Variants in DPP10 observed in about 807,000 individuals in gnomAD.
The protein encoded by DPP10 is dipeptidyl peptidase like 10, also known as inactive dipeptidyl peptidase 10.
Under a neutral mutation model 120.9 loss-of-function variants are expected in DPP10, and 33 were observed. The observed-to-expected ratio is 0.27, with a 90% confidence interval of 0.21 to 0.37. The LOEUF (loss-of-function observed/expected upper bound fraction) is 0.37, where lower values mean the gene tolerates loss of function less well. Among genes scored for constraint, DPP10 ranks in the 10% least tolerant of loss-of-function variants. DPP10 has a pLI of 1.00. For synonymous variants in DPP10, 337 were observed against 326.1 expected (o/e 1.03, Z -0.36); for missense variants, 816 against 942.8 (o/e 0.87, Z 1.76).
intron 1 of DPP10, among the ~76,000 whole-genome samples, chr2:114,838,555 C>G (rs1687916360): frequency 6.6e-6 from 1 of 152,054 alleles, no homozygotes; most frequent in South Asian, 2.1e-4. Flanking sequence ...CCTCGGTCTC[C>G]CAAAGTACTG....
intron 1 of DPP10, among the ~76,000 whole-genome samples, chr2:114,573,333 A>G (rs557282667): frequency 6.6e-6 from 1 of 152,328 alleles, no homozygotes; most frequent in African/African-American, 2.4e-5. Flanking sequence ...TAAATAAATG[A>G]AAGATCTTCA....
At chr2:115,513,232 AC>A (rs149225297) in intron 4 of DPP10, among the ~76,000 whole-genome samples, 4,681 of 151,894 alleles carry the variant, frequency 0.031, 101 homozygotes, top group Non-Finnish European at 0.048. Flanking sequence ...TTCATGGTAT[AC>A]CTTTTTCACC....
intron 1 of DPP10, among the ~76,000 whole-genome samples, chr2:115,096,999 G>A (rs1247311761): frequency 1.3e-5 from 2 of 152,096 alleles, no homozygotes; most frequent in East Asian, 3.9e-4. Flanking sequence ...GTAATAAAAG[G>A]TTTTGCTTGA....
chr2:115,139,770 G>A (rs980426224), intron 1 of DPP10, among the ~76,000 whole-genome samples: 6 of 121,928 alleles, frequency 4.9e-5, no homozygotes, highest in African/African-American at 1.8e-4. Context: ...ATACTACTTT[G>A]TTATAAAATA....
intron 1 of DPP10, among the ~76,000 whole-genome samples, chr2:115,097,798 T>A (rs1295109640): frequency 6.6e-6 from 1 of 152,154 alleles, no homozygotes; most frequent in East Asian, 1.9e-4. Context: ...GAATAGTCCT[T>A]GTTATGTCTG....
chr2:115,021,550 C>A (rs757134325), intron 1 of DPP10, among the ~76,000 whole-genome samples: 1 of 151,942 alleles, frequency 6.6e-6, no homozygotes. Context: ...CTGTATGTGA[C>A]CAGATGGATT....
chr2:114,821,245 G>A (rs1686061517), intron 1 of DPP10, among the ~76,000 whole-genome samples: 1 of 152,102 alleles, frequency 6.6e-6, no homozygotes, highest in East Asian at 1.9e-4. Context: ...CAAATGCAGG[G>A]CACCATGATG....
At chr2:114,591,554 A>ATTTTTTTTTTTTTTTTT (rs70937292) in intron 1 of DPP10, among the ~76,000 whole-genome samples, 5 of 124,568 alleles carry the variant, frequency 4.0e-5, no homozygotes, top group African/African-American at 1.6e-4. Context: ...ACCTCTTCCT[A>ATTTTTTTTTTTTTTTTT]TTTTTTTTTT....
intron 1 of DPP10, among the ~76,000 whole-genome samples, chr2:115,222,238 A>G (rs1309642608): frequency 1.3e-5 from 2 of 152,160 alleles, no homozygotes; most frequent in Non-Finnish European, 2.9e-5. Flanking sequence ...ATAGGGAGAA[A>G]CATAGCAAGT....
At chr2:115,171,937 C>T (rs748485770) in intron 1 of DPP10, among the ~76,000 whole-genome samples, 13 of 152,130 alleles carry the variant, frequency 8.5e-5, no homozygotes, top group East Asian at 5.8e-4. Context: ...CCATTCTGAA[C>T]GTAAACTGTG....
chr2:115,684,890 A>G (rs1048860859), intron 5 of DPP10, among the ~76,000 whole-genome samples: 7 of 151,974 alleles, frequency 4.6e-5, no homozygotes, highest in African/African-American at 9.7e-5. Flanking sequence ...TAATTCATAC[A>G]TATTTCCATC....
intron 1 of DPP10, among the ~76,000 whole-genome samples, chr2:114,586,549 G>A (rs1402382188): frequency 6.6e-6 from 1 of 152,226 alleles, no homozygotes; most frequent in African/African-American, 2.4e-5. Context: ...GCAGACTTTA[G>A]TTAAGTACTT....
chr2:115,012,724 AACCAGAAAATCAATTCTGGT>A, intron 1 of DPP10, among the ~76,000 whole-genome samples: 1 of 152,192 alleles, frequency 6.6e-6, no homozygotes, highest in Admixed American at 6.5e-5. Flanking sequence ...ATAGAGAAGG[AACCAGAAAATCAATTCTGGT>A]AACATGACAA....
intron 1 of DPP10, among the ~76,000 whole-genome samples, chr2:114,566,477 G>T (rs1689211408): frequency 6.6e-6 from 1 of 152,174 alleles, no homozygotes; most frequent in African/African-American, 2.4e-5. Flanking sequence ...CGTTATCATG[G>T]TGTATTTGTC....
chr2:114,604,315 C>T (rs1692616763), intron 1 of DPP10, among the ~76,000 whole-genome samples: 1 of 152,018 alleles, frequency 6.6e-6, no homozygotes, highest in Admixed American at 6.6e-5. Context: ...TGCAAGCAGA[C>T]CTTTATATGG....
At chr2:114,495,205 C>T (rs920644598) in intron 1 of DPP10, among the ~76,000 whole-genome samples, 1 of 152,120 alleles carries the variant, frequency 6.6e-6, no homozygotes, top group African/African-American at 2.4e-5. Flanking sequence ...ATGTCCTCAT[C>T]CACAGCCATG....
intron 21 of DPP10, among the ~76,000 whole-genome samples, chr2:115,825,839 A>G (rs557110314): frequency 2.0e-5 from 3 of 152,334 alleles, no homozygotes; most frequent in Non-Finnish European, 4.4e-5. Context: ...TTTATTTGCA[A>G]TTCTAGAATT....
At chr2:115,406,889 T>C (rs2068549140) in intron 3 of DPP10, among the ~76,000 whole-genome samples, 1 of 151,942 alleles carries the variant, frequency 6.6e-6, no homozygotes, top group Admixed American at 6.6e-5. Flanking sequence ...ACAGACTAAA[T>C]AAGTAAAGAT....
At chr2:115,805,199 C>T (rs576275356) in intron 19 of DPP10, among the ~76,000 whole-genome samples, 6 of 152,198 alleles carry the variant, frequency 3.9e-5, no homozygotes, top group East Asian at 1.9e-4. Flanking sequence ...TAGCAATCAG[C>T]GAGGCTCGGT....
Sources: gnomAD v4.1 joint callset for allele counts (sites outside exome capture counted in the v4.1 genomes callset) on GRCh38, gnomAD v4.1.1 for gene constraint, MANE v1.5 for transcripts, NCBI Gene and HGNC (gene_info 2026-07-23, HGNC 2026-07-21) for gene names.